The following TTC29 variants were observed in gnomAD, a reference collection of about 807,000 sequenced individuals.
The protein encoded by TTC29 is tetratricopeptide repeat protein 29.
In TTC29, 49 loss-of-function variants were observed where a neutral mutation model predicts 58.1. The observed-to-expected ratio is 0.84, with a 90% CI of 0.67 to 1.07. The LOEUF (loss-of-function observed/expected upper bound fraction) is 1.07, where lower values mean the gene tolerates loss of function less well. Ranked by LOEUF, TTC29 falls within the 50% of genes least tolerant of loss-of-function variation. The pLI is 0.00. For missense variants in TTC29, 582 were observed against 555.6 expected, an observed-to-expected ratio of 1.05 and a Z score of -0.48; for synonymous variants, 209 against 196.8, an observed-to-expected ratio of 1.06 and a Z score of -0.52.
intron 4 of TTC29, among the ~76,000 whole-genome samples, chr4:146,918,463 G>A (rs917090733): frequency 1.3e-5 from 2 of 151,100 alleles, no homozygotes; most frequent in African/African-American, 4.8e-5. Context: ...TATTTGTGTA[G>A]AATGGGACAG....
chr4:146,830,373 G>T (rs957357236), intron 9 of TTC29, among the ~76,000 whole-genome samples: 16 of 152,108 alleles, frequency 1.1e-4, no homozygotes, highest in African/African-American at 3.6e-4. Flanking sequence ...TTGAGGGATT[G>T]TGGTGTGTTT....
intron 4 of TTC29, among the ~76,000 whole-genome samples, chr4:146,917,126 T>C (rs4835356): frequency 0.083 from 12,520 of 150,998 alleles, 683 homozygotes; most frequent in East Asian, 0.19. Context: ...TTATTTTCTA[T>C]ATGATTTAAT....
chr4:146,916,841 G>A (rs1489098238), intron 4 of TTC29, among the ~76,000 whole-genome samples: 1 of 151,402 alleles, frequency 6.6e-6, no homozygotes, highest in African/African-American at 2.4e-5. Flanking sequence ...AAAACATGTA[G>A]CTGTCTATGA....
chr4:146,863,361 A>G (rs1730366524), intron 8 of TTC29, among the ~76,000 whole-genome samples: 2 of 152,188 alleles, frequency 1.3e-5, no homozygotes, highest in South Asian at 2.1e-4. Flanking sequence ...CCTTCATCCA[A>G]TTTGGCTCTA....
At chr4:146,867,728 G>GAA in intron 7 of TTC29, 145 bp from the exon 8 acceptor site, 1 of 424,574 alleles carries the variant, frequency 2.4e-6, no homozygotes, top group Non-Finnish European at 4.2e-6. Context: ...GCTATATACT[G>GAA]AAAAAAAAAG....
intron 6 of TTC29, among the ~76,000 whole-genome samples, chr4:146,877,759 G>A (rs928268819): frequency 2.5e-4 from 38 of 152,302 alleles, no homozygotes; most frequent in Middle Eastern, 3.4e-3. Flanking sequence ...GAGAAGGGAT[G>A]TAGAATACTG....
chr4:146,756,589 G>C (rs1419254426), intron 11 of TTC29, among the ~76,000 whole-genome samples: 2 of 151,998 alleles, frequency 1.3e-5, no homozygotes, highest in African/African-American at 4.8e-5. Context: ...CTAACCCAGG[G>C]AAGTTTTCCT....
intron 6 of TTC29, among the ~76,000 whole-genome samples, chr4:146,896,618 C>T (rs1335024846): frequency 2.6e-5 from 4 of 152,144 alleles, no homozygotes; most frequent in Non-Finnish European, 5.9e-5. Flanking sequence ...TCTTAAAATA[C>T]ATTTGATTAT....
intron 6 of TTC29, among the ~76,000 whole-genome samples, chr4:146,887,835 TA>T: frequency 6.6e-6 from 1 of 152,186 alleles, no homozygotes; most frequent in South Asian, 2.1e-4. Flanking sequence ...TATGAACAAT[TA>T]ATCACCAGAG....
chr4:146,852,267 G>A (rs527943657), intron 8 of TTC29, among the ~76,000 whole-genome samples: 14 of 152,284 alleles, frequency 9.2e-5, no homozygotes, highest in South Asian at 8.3e-4. Flanking sequence ...ATGCCAATAA[G>A]TAGTTCATTA....
At chr4:146,750,852 A>G (rs1745928385) in intron 11 of TTC29, among the ~76,000 whole-genome samples, 1 of 152,242 alleles carries the variant, frequency 6.6e-6, no homozygotes, top group Non-Finnish European at 1.5e-5. Flanking sequence ...AATGGCAGTG[A>G]TAAGTCTTTA....
chr4:146,791,530 C>A (rs79568034), intron 11 of TTC29, among the ~76,000 whole-genome samples: 1 of 152,240 alleles, frequency 6.6e-6, no homozygotes, highest in Non-Finnish European at 1.5e-5. Flanking sequence ...CCTGTCTCTC[C>A]CCCTCCTTGG....
chr4:146,731,887 C>A (rs938600806), intron 11 of TTC29, among the ~76,000 whole-genome samples: 1 of 152,150 alleles, frequency 6.6e-6, no homozygotes, highest in African/African-American at 2.4e-5. Context: ...ATGGTCCAGC[C>A]AGTTAGCGTT....
intron 8 of TTC29, among the ~76,000 whole-genome samples, chr4:146,854,249 C>A (rs1434329290): frequency 6.6e-6 from 1 of 152,136 alleles, no homozygotes; most frequent in African/African-American, 2.4e-5. Context: ...AAACCCGAAC[C>A]AAGTCGTCAA....
chr4:146,776,041 C>T (rs1411533245), intron 11 of TTC29, among the ~76,000 whole-genome samples: 1 of 152,138 alleles, frequency 6.6e-6, no homozygotes, highest in African/African-American at 2.4e-5. Context: ...AACCAGTCTT[C>T]GAGCTCTGAG....
intron 11 of TTC29, among the ~76,000 whole-genome samples, chr4:146,793,771 G>A (rs1031710656): frequency 1.3e-5 from 2 of 152,096 alleles, no homozygotes; most frequent in African/African-American, 4.8e-5. Flanking sequence ...ACTCTATCCA[G>A]TAGAAAGCTG....
intron 11 of TTC29, among the ~76,000 whole-genome samples, chr4:146,727,023 T>G (rs1356041867): frequency 6.6e-6 from 1 of 151,724 alleles, no homozygotes; most frequent in Non-Finnish European, 1.5e-5. Flanking sequence ...CTGTTACTGT[T>G]TCTTACTCTT....
chr4:146,784,184 CATAA>C (rs1170839448), intron 11 of TTC29, among the ~76,000 whole-genome samples: 3 of 151,636 alleles, frequency 2.0e-5, no homozygotes, highest in Non-Finnish European at 4.4e-5. Context: ...TATAAAAGGA[CATAA>C]ATATAGTGTA....
intron 11 of TTC29, among the ~76,000 whole-genome samples, chr4:146,782,717 TA>T (rs766193586): frequency 6.6e-6 from 1 of 151,996 alleles, no homozygotes; most frequent in Non-Finnish European, 1.5e-5. Context: ...AACTACCCTA[TA>T]ATACAAGGAG....
Sources: gnomAD v4.1 joint callset for allele counts (sites outside exome capture counted in the v4.1 genomes callset) on GRCh38, gnomAD v4.1.1 for gene constraint, MANE v1.5 for transcripts, NCBI Gene and HGNC (gene_info 2026-07-23, HGNC 2026-07-21) for gene names.